LRP1B: variants seen among roughly 807,000 people sequenced by gnomAD.
LRP1B encodes LDL receptor related protein 1B.
Under a neutral mutation model 556.6 loss-of-function variants are expected in LRP1B, and 217 were observed. The ratio of observed to expected loss-of-function variants is 0.39; its 90% CI spans 0.35 to 0.44. The LOEUF is 0.44. Among genes scored for constraint, LRP1B ranks in the 20% least tolerant of loss-of-function variants. The probability of loss-of-function intolerance (pLI) is 1.00; values close to 1 mark genes in which losing one functional copy is unlikely to be tolerated. For synonymous variants in LRP1B, 2,047 were observed against 1,865.8 expected (o/e 1.10, Z -2.50); for missense variants, 5,053 against 5,620.8 (o/e 0.90, Z 3.23).
chr2:141,108,330 G>C lies in LRP1B; in HGVS notation c.1014-46057C>G, dbSNP rs1446998281. Among the ~76,000 whole-genome samples, 8 of 66,618 alleles carry C rather than the reference G, an allele frequency of 1.2e-4. No individual in the cohort carries two copies. The East Asian group carries it at 1.5e-3, about 13-fold the overall frequency. 43.7% of individuals were successfully genotyped at this position (66,618 alleles called of 152,430 possible). A position where few individuals can be genotyped will look rare whatever the true frequency, so the allele number is the denominator to read the frequency against. ...TCAGACAAAAATATGTTTATAATCT[G>C]TTTCTTTTTTTTTTTTTTTTTTTTT... On this transcript the variant is annotated intron_variant, in intron 7 of 90. Coordinates refer to ENST00000389484, the MANE Select transcript of LRP1B (RefSeq NM_018557.3).
intron 41 of LRP1B, among the ~76,000 whole-genome samples, chr2:140,688,605 C>T (rs758003653): frequency 5.3e-5 from 8 of 152,144 alleles, no homozygotes; most frequent in Admixed American, 1.3e-4. Flanking sequence ...TGTTTGCAGC[C>T]CATTTTCAGC....
chr2:140,899,817 T>C (rs1318180251), intron 23 of LRP1B, among the ~76,000 whole-genome samples: 2 of 152,182 alleles, frequency 1.3e-5, no homozygotes, highest in East Asian at 1.9e-4. Flanking sequence ...AAACTGTGTA[T>C]GCAACACTTA....
At chr2:141,395,539 T>C (rs1038498062) in intron 3 of LRP1B, among the ~76,000 whole-genome samples, 17 of 152,124 alleles carry the variant, frequency 1.1e-4, no homozygotes, top group Middle Eastern at 3.2e-3. Flanking sequence ...TAACAATGCA[T>C]TACTCTGAAG....
chr2:141,824,958 C>A (rs1333290397), intron 1 of LRP1B, among the ~76,000 whole-genome samples: 2 of 152,126 alleles, frequency 1.3e-5, no homozygotes, highest in African/African-American at 4.8e-5. Context: ...CTCACAAGAT[C>A]CGATGGTTTT....
At chr2:142,104,349 A>G (rs755304995) in intron 1 of LRP1B, among the ~76,000 whole-genome samples, 2 of 152,106 alleles carry the variant, frequency 1.3e-5, no homozygotes, top group Non-Finnish European at 1.5e-5. Flanking sequence ...ATAAAATGAC[A>G]TTTATTGACA....
chr2:141,107,029 A>AAT (rs1700621649), intron 7 of LRP1B, among the ~76,000 whole-genome samples: 1 of 151,926 alleles, frequency 6.6e-6, no homozygotes, highest in Non-Finnish European at 1.5e-5. Flanking sequence ...CTACTGAACC[A>AAT]ATATATATAT....
intron 2 of LRP1B, among the ~76,000 whole-genome samples, chr2:141,589,899 A>C (rs866711340): frequency 2.6e-5 from 4 of 152,306 alleles, no homozygotes; most frequent in Middle Eastern, 3.4e-3. Flanking sequence ...AAAGTTATTC[A>C]AAGTTCAACA....
At chr2:140,863,442 AAT>A (rs1265502737) in intron 27 of LRP1B, among the ~76,000 whole-genome samples, 1 of 152,186 alleles carries the variant, frequency 6.6e-6, no homozygotes, top group Non-Finnish European at 1.5e-5. Flanking sequence ...AACGCCCCCC[AAT>A]ATGTGTTTTA....
At chr2:140,542,659 C>T (rs918653179) in intron 43 of LRP1B, among the ~76,000 whole-genome samples, 1 of 152,024 alleles carries the variant, frequency 6.6e-6, no homozygotes, top group African/African-American at 2.4e-5. Flanking sequence ...CCACCGTTTA[C>T]CAGAGAGAGA....
chr2:140,875,335 G>A (rs1380092266), intron 25 of LRP1B, among the ~76,000 whole-genome samples: 1 of 152,164 alleles, frequency 6.6e-6, no homozygotes, highest in Non-Finnish European at 1.5e-5. Context: ...GGGTTTTCTT[G>A]AAGCATTAGT....
At chr2:141,809,388 A>C (rs1282428597) in intron 2 of LRP1B, among the ~76,000 whole-genome samples, 1 of 151,962 alleles carries the variant, frequency 6.6e-6, no homozygotes, top group Non-Finnish European at 1.5e-5. Context: ...TTTTTTTCAC[A>C]TTAGCTTCAT....
At chr2:141,057,540 A>G (rs943773696) in intron 9 of LRP1B, among the ~76,000 whole-genome samples, 3 of 151,828 alleles carry the variant, frequency 2.0e-5, no homozygotes, top group Non-Finnish European at 4.4e-5. Context: ...TAATTGAATC[A>G]TGGGGGCAGG....
At chr2:141,093,642 CAGAAT>C in intron 7 of LRP1B, among the ~76,000 whole-genome samples, 1 of 150,754 alleles carries the variant, frequency 6.6e-6, no homozygotes, top group Non-Finnish European at 1.5e-5. Flanking sequence ...GTTGTCTGAA[CAGAAT>C]AGAATAAAGA....
chr2:141,319,147 T>C (rs1399980695), intron 3 of LRP1B, among the ~76,000 whole-genome samples: 1 of 152,058 alleles, frequency 6.6e-6, no homozygotes, highest in Non-Finnish European at 1.5e-5. Context: ...TATTGTGTAT[T>C]TGAGTAAAGC....
intron 1 of LRP1B, among the ~76,000 whole-genome samples, chr2:141,946,693 G>A (rs918929191): frequency 6.6e-6 from 1 of 152,102 alleles, no homozygotes; most frequent in African/African-American, 2.4e-5. Flanking sequence ...TGTGACTCTC[G>A]AAAGTAAAAA....
chr2:141,147,424 A>G (rs914621108), intron 7 of LRP1B, among the ~76,000 whole-genome samples: 2 of 152,210 alleles, frequency 1.3e-5, no homozygotes, highest in African/African-American at 4.8e-5. Flanking sequence ...AGTTGTAGGA[A>G]ACCCTGTGTT....
chr2:140,365,626 T>A (rs1238235077), intron 71 of LRP1B, among the ~76,000 whole-genome samples: 1 of 151,558 alleles, frequency 6.6e-6, no homozygotes, highest in Non-Finnish European at 1.5e-5. Context: ...TTATATGTTA[T>A]AAAAGAGGTA....
In LRP1B at chr2:141,059,017, T is replaced by C. The variant is rs771201372; in HGVS notation, c.1274A>G (p.Tyr425Cys). ...GTTATCAGAATTGGTTGCATACAAA[T>C]AATCTTCAAACACAGTTATACCATA... ...HLYGITVFED[Y>C]LYATNSDNYN... The change falls in exon 9 of 91, where the codon TAT (tyrosine) becomes TGT (cysteine). Residue 425 changes from tyrosine (Y) to cysteine (C), a missense_variant. Tyr to Cys is a radical substitution (Grantham distance 194). This residue lies in a region of LRP1B where 3,619 missense variants were observed against 3,931.9 expected (regional missense o/e 0.92). Transcript: ENST00000389484. The C allele has an allele frequency of 1.9e-6, 3 of 1,586,792 alleles. No individual in the cohort carries two copies. In the South Asian group the frequency reaches 3.5e-5, roughly 18 times the overall value.
rs866984965 is a variant in LRP1B at position 141,339,111 on chromosome 2, T to C, written c.344-84470A>G. 9.9e-5 allele frequency among the ~76,000 whole-genome samples: 15 copies of C among 152,240 alleles called. No individual in the cohort carries two copies. In the South Asian group the frequency reaches 2.9e-3, roughly 29 times the overall value. On this transcript the variant is annotated intron_variant, in intron 3 of 90. Coordinates refer to ENST00000389484, the MANE Select transcript of LRP1B (RefSeq NM_018557.3). ...AATCATGCTACTTTCCAGAATATTT[T>C]CCCTGAACTCCAGGCTAAGACTTAA...
Sources: allele counts gnomAD v4.1 joint callset (sites outside exome capture counted in the v4.1 genomes callset), GRCh38; gene constraint gnomAD v4.1.1; regional missense constraint gnomAD v4.1.1; transcripts MANE v1.5; gene names NCBI Gene and HGNC (gene_info 2026-07-23, HGNC 2026-07-21).